The following IQCB1 variants were observed in gnomAD, a reference collection of about 807,000 sequenced individuals.
IQCB1 encodes the protein IQ motif containing B1.
A neutral mutation model predicts 84.4 loss-of-function variants in IQCB1; 56 were observed. The ratio of observed to expected loss-of-function variants is 0.66; its 90% CI spans 0.54 to 0.83. The LOEUF (loss-of-function observed/expected upper bound fraction) is 0.83. Ranked by LOEUF, IQCB1 falls within the 40% of genes least tolerant of loss-of-function variation. IQCB1 has a pLI of 0.00. For synonymous variants in IQCB1, 210 were observed against 234.8 expected (o/e 0.89, Z 0.96); for missense variants, 629 against 682.1 (o/e 0.92, Z 0.87).
chr3:121,804,297 A>G (rs1949525253), intron 7 of IQCB1, among the ~76,000 whole-genome samples: 1 of 152,074 alleles, frequency 6.6e-6, no homozygotes, highest in South Asian at 2.1e-4. Flanking sequence ...TGTGTAGGCA[A>G]ACATATTATA....
chr3:121,808,685 TAA>T (rs2108594507), intron 6 of IQCB1, among the ~76,000 whole-genome samples: 1 of 152,132 alleles, frequency 6.6e-6, no homozygotes, highest in East Asian at 1.9e-4. Context: ...CAGAAAAAGC[TAA>T]AGTTTTATTT....
chr3:121,801,268 T>C (rs1021844786), intron 7 of IQCB1, among the ~76,000 whole-genome samples: 7 of 152,122 alleles, frequency 4.6e-5, no homozygotes, highest in Admixed American at 1.3e-4. Context: ...TTAGTTTACC[T>C]ATTCACCTGA....
At chr3:121,831,863 G>A (rs1950652984) in intron 2 of IQCB1, among the ~76,000 whole-genome samples, 1 of 152,212 alleles carries the variant, frequency 6.6e-6, no homozygotes, top group African/African-American at 2.4e-5. Context: ...GCACATAGTA[G>A]TCACAAAACT....
At chr3:121,811,494 A>T (rs915727124) in intron 5 of IQCB1, among the ~76,000 whole-genome samples, 5 of 152,204 alleles carry the variant, frequency 3.3e-5, no homozygotes, top group Non-Finnish European at 4.4e-5. Flanking sequence ...TCCCACGGAG[A>T]CCAGCAAGCT....
intron 13 of IQCB1, among the ~76,000 whole-genome samples, chr3:121,774,447 T>C (rs1393040811): frequency 2.6e-5 from 4 of 152,114 alleles, no homozygotes; most frequent in Admixed American, 2.0e-4. Flanking sequence ...CCCAAAAGAA[T>C]TGAAAGCAAG....
At position 121,797,152 on chromosome 3, in the gene IQCB1, A is replaced by C. The variant is rs1361521215; in HGVS notation, c.842T>G (p.Leu281Ter). The C allele has an allele frequency of 1.2e-6, 2 of 1,607,236 alleles. No individual in the cohort carries two copies. The highest frequency in any genetic ancestry group is 1.7e-6 in the Non-Finnish European group (2 of 1,174,844). The change falls in exon 9 of 15, where the codon TTA becomes TGA. Residue 281 changes from leucine to a stop codon, truncating the protein, a stop_gained. Transcript: ENST00000310864. LOFTEE classifies it high-confidence loss of function. The part of the protein sequence containing the change: ...SQELRQLVGL[L>*]SPMVYQEVEE... ...TACTTCCTGATAGACCATTGGGCTT[A>C]AAAGGCCAACAAGCTGTCTAAGTTC...
chr3:121,772,821 T>G, intron 13 of IQCB1, 108 bp from the exon 14 acceptor site: 1 of 955,740 alleles, frequency 1.0e-6, no homozygotes, highest in Non-Finnish European at 1.7e-6. Flanking sequence ...ATTTTATCAA[T>G]TGAATCTTAT....
chr3:121,832,424 T>C (rs1950677214), intron 2 of IQCB1, among the ~76,000 whole-genome samples: 1 of 151,706 alleles, frequency 6.6e-6, no homozygotes, highest in Non-Finnish European at 1.5e-5. Context: ...ACCTCCTGGG[T>C]TCAAGTGATT....
intron 7 of IQCB1, among the ~76,000 whole-genome samples, chr3:121,799,990 T>C (rs2108572931): frequency 6.6e-6 from 1 of 151,994 alleles, no homozygotes; most frequent in Admixed American, 6.6e-5. Context: ...TACCTCTGTT[T>C]AATTTTCTAC....
At chr3:121,804,936 G>A (rs1949550104) in intron 7 of IQCB1, among the ~76,000 whole-genome samples, 1 of 152,076 alleles carries the variant, frequency 6.6e-6, no homozygotes, top group Non-Finnish European at 1.5e-5. Context: ...AGTTTCTACT[G>A]ATACGCCTTA....
intron 5 of IQCB1, among the ~76,000 whole-genome samples, chr3:121,813,263 C>T (rs919927547): frequency 2.0e-5 from 3 of 152,154 alleles, no homozygotes; most frequent in Non-Finnish European, 4.4e-5. Context: ...TACAAGAGTC[C>T]TGAAGGAAGC....
intron 5 of IQCB1, among the ~76,000 whole-genome samples, chr3:121,820,067 A>G (rs1950219992): frequency 6.6e-6 from 1 of 152,136 alleles, no homozygotes; most frequent in African/African-American, 2.4e-5. Context: ...TAAGTTTCCT[A>G]ACAGAATTGA....
At chr3:121,820,630 T>C (rs555653045) in intron 5 of IQCB1, among the ~76,000 whole-genome samples, 1 of 152,310 alleles carries the variant, frequency 6.6e-6, no homozygotes, top group East Asian at 1.9e-4. Context: ...GCATCCTTTT[T>C]CCCAGTTTTT....
chr3:121,784,374 T>G (rs916095788), intron 12 of IQCB1, among the ~76,000 whole-genome samples: 1 of 152,108 alleles, frequency 6.6e-6, no homozygotes, highest in African/African-American at 2.4e-5. Flanking sequence ...GAGATTTCTT[T>G]AACTTTTCCC....
At position 121,799,463 on chromosome 3, in the gene IQCB1, AT is replaced by A; in HGVS notation, c.588-90del. The A allele has an allele frequency of 9.9e-6, 8 of 809,354 alleles. No individual in the cohort carries two copies. The South Asian group carries it at 1.3e-4, about 13-fold the overall frequency. 50.1% of individuals were successfully genotyped at this position (809,354 alleles called of 1,614,324 possible). ...CTAAAATATAAGATTCAGTAACTTGATGCCGGACTGTGTCCTGATCCAAGAA... is the reference window on the plus strand; with the variant it reads ...CTAAAATATAAGATTCAGTAACTTGAGCCGGACTGTGTCCTGATCCAAGAA... On this transcript the variant is annotated intron_variant, in intron 7 of 14. Coordinates refer to ENST00000310864, the MANE Select transcript of IQCB1 (RefSeq NM_001023570.4).
At chr3:121,830,167 G>C (rs1379638149) in intron 2 of IQCB1, among the ~76,000 whole-genome samples, 3 of 151,674 alleles carry the variant, frequency 2.0e-5, no homozygotes, top group Admixed American at 1.3e-4. Flanking sequence ...TCACATCACT[G>C]CACTCCAGCC....
chr3:121,797,452 T>TA lies in IQCB1; in HGVS notation c.767-226dup, dbSNP rs34526626. 0.17 allele frequency among the ~76,000 whole-genome samples: 22,939 copies of TA among 138,756 alleles called. 2,386 individuals carry two copies. The highest frequency in any genetic ancestry group is 0.63 in the East Asian group (3,065 of 4,880). 91.0% of individuals were successfully genotyped at this position (138,756 alleles called of 152,430 possible). The stretch of plus-strand genomic sequence containing the variant: ...TTACGTGCTCAATTGTGGTATCTGA[T>TA]AAAAAAAAAAAAATCTGTCTAGACA... On this transcript the variant is annotated intron_variant, in intron 8 of 14. Coordinates refer to ENST00000310864, the MANE Select transcript of IQCB1 (RefSeq NM_001023570.4).
chr3:121,803,291 A>C (rs1165595336), intron 7 of IQCB1, among the ~76,000 whole-genome samples: 1 of 152,138 alleles, frequency 6.6e-6, no homozygotes. Flanking sequence ...CCTGGACTTA[A>C]GTGATCTGCT....
In IQCB1 at chr3:121,808,938, G is replaced by T; in HGVS notation, c.465C>A (p.Gly155=). 1 of 1,605,978 alleles carries T rather than the reference G, an allele frequency of 6.2e-7. No individual in the cohort carries two copies. Among genetic ancestry groups the T allele is most frequent in the African/African-American group, 1.3e-5 (1 of 74,800 alleles). ...TACCATTCTGAATAAGTTCAACATG[G>T]CCTCCCAAAAGCCAGAAGAGAGAAT... is the stretch of plus-strand genomic sequence containing the variant. ...VTDSLFWLLG[G]HVELIQNVLQ... is the part of the protein sequence containing the mutation. Residue 155 remains glycine (G), a synonymous_variant, in exon 6 of 15, where the codon GGC becomes GGA. Transcript: ENST00000310864.
Sources: gnomAD v4.1 joint callset for allele counts (sites outside exome capture counted in the v4.1 genomes callset) on GRCh38, gnomAD v4.1.1 for gene constraint, MANE v1.5 for transcripts, NCBI Gene and HGNC (gene_info 2026-07-23, HGNC 2026-07-21) for gene names.